Variants in SKAP2 observed in about 807,000 individuals in gnomAD.
The protein encoded by SKAP2 is src kinase-associated phosphoprotein 2.
Under a neutral mutation model 54.9 loss-of-function variants are expected in SKAP2, and 28 were observed. The ratio of observed to expected loss-of-function variants is 0.51; its 90% CI spans 0.38 to 0.70. SKAP2 has a LOEUF of 0.70. Ranked by LOEUF, SKAP2 falls within the 30% of genes least tolerant of loss-of-function variation. The probability of loss-of-function intolerance (pLI) is 0.00; values close to 1 mark genes in which losing one functional copy is unlikely to be tolerated. For synonymous variants in SKAP2, 137 were observed against 134.3 expected (o/e 1.02, Z -0.14); for missense variants, 356 against 424.1 (o/e 0.84, Z 1.41).
At chr7:26,850,448 T>C (rs1324935183) in intron 3 of SKAP2, among the ~76,000 whole-genome samples, 1 of 151,766 alleles carries the variant, frequency 6.6e-6, no homozygotes, top group African/African-American at 2.4e-5. Flanking sequence ...AGCGTACCTA[T>C]AGTCCCAGCT....
chr7:26,837,278 T>C (rs1350154763), intron 4 of SKAP2, among the ~76,000 whole-genome samples: 1 of 152,132 alleles, frequency 6.6e-6, no homozygotes, highest in African/African-American at 2.4e-5. Flanking sequence ...GGCACATGTA[T>C]ACCTATGTAA....
chr7:26,718,171 T>A (rs145668312), intron 9 of SKAP2, among the ~76,000 whole-genome samples: 6 of 151,838 alleles, frequency 4.0e-5, no homozygotes, highest in African/African-American at 1.4e-4. Context: ...GCCTGGCACA[T>A]AACAGGTACT....
intron 1 of SKAP2, among the ~76,000 whole-genome samples, chr7:26,856,281 G>C (rs965894630): frequency 3.9e-5 from 6 of 151,960 alleles, no homozygotes; most frequent in African/African-American, 1.5e-4. Flanking sequence ...AAATGTCACA[G>C]CTTCTCTTTC....
At chr7:26,787,087 T>C (rs141657226) in intron 4 of SKAP2, among the ~76,000 whole-genome samples, 1 of 152,324 alleles carries the variant, frequency 6.6e-6, no homozygotes, top group African/African-American at 2.4e-5. Flanking sequence ...AGCTATCTCA[T>C]ATTAGAATGT....
chr7:26,817,804 G>A (rs993904539), intron 4 of SKAP2, among the ~76,000 whole-genome samples: 4 of 152,018 alleles, frequency 2.6e-5, no homozygotes, highest in Admixed American at 2.6e-4. Flanking sequence ...TAGACAAACA[G>A]AGAGCCAAAT....
chr7:26,836,716 G>C (rs977438579), intron 4 of SKAP2, among the ~76,000 whole-genome samples: 39 of 152,282 alleles, frequency 2.6e-4, no homozygotes, highest in African/African-American at 9.4e-4. Context: ...TGGAGAAATA[G>C]GAATGCTTTT....
intron 6 of SKAP2, among the ~76,000 whole-genome samples, chr7:26,727,680 ATC>A (rs1171921557): frequency 6.6e-6 from 1 of 152,128 alleles, no homozygotes; most frequent in African/African-American, 2.4e-5. Flanking sequence ...GCACATTTGA[ATC>A]TCACATGATA....
intron 1 of SKAP2, among the ~76,000 whole-genome samples, chr7:26,855,671 T>C (rs1785147292): frequency 1.3e-5 from 2 of 152,122 alleles, no homozygotes; most frequent in Admixed American, 6.5e-5. Context: ...TTAATTTTAG[T>C]AAACTTCTAA....
intron 4 of SKAP2, among the ~76,000 whole-genome samples, chr7:26,830,423 G>C (rs929905964): frequency 2.0e-5 from 3 of 151,940 alleles, no homozygotes; most frequent in Non-Finnish European, 2.9e-5. Flanking sequence ...TCTCAATAAA[G>C]TGAGTAAAAA....
intron 1 of SKAP2, chr7:26,858,286 A>T (rs779499794): frequency 6.6e-6 from 1 of 152,306 alleles, no homozygotes; most frequent in Non-Finnish European, 1.5e-5. Context: ...CCTCCACCCC[A>T]GCCCAAGTCA....
intron 4 of SKAP2, among the ~76,000 whole-genome samples, chr7:26,807,570 CT>C (rs1784056342): frequency 6.6e-6 from 1 of 152,160 alleles, no homozygotes; most frequent in African/African-American, 2.4e-5. Flanking sequence ...ATAAATTACC[CT>C]GTCTCAGGTA....
intron 9 of SKAP2, among the ~76,000 whole-genome samples, chr7:26,720,572 C>T (rs1787557213): frequency 6.6e-6 from 1 of 152,052 alleles, no homozygotes; most frequent in Non-Finnish European, 1.5e-5. Flanking sequence ...TCTGACTCTG[C>T]TAATAAAGAC....
intron 4 of SKAP2, among the ~76,000 whole-genome samples, chr7:26,808,728 T>C (rs1045612051): frequency 6.6e-6 from 1 of 152,246 alleles, no homozygotes; most frequent in African/African-American, 2.4e-5. Context: ...GCATGTAACC[T>C]AGTCTCTCTA....
intron 3 of SKAP2, among the ~76,000 whole-genome samples, chr7:26,848,594 G>C (rs1159015257): frequency 6.6e-6 from 1 of 152,064 alleles, no homozygotes; most frequent in Non-Finnish European, 1.5e-5. Context: ...CTTTGGATAA[G>C]GGATACTACT....
chr7:26,661,533 A>G, the SKAP2 span, among the ~76,000 whole-genome samples: 1 of 152,202 alleles, frequency 6.6e-6, no homozygotes, highest in South Asian at 2.1e-4. Flanking sequence ...TATCATGAGA[A>G]AAGTTTATTT....
At chr7:26,733,245 A>C (rs1196802691) in intron 6 of SKAP2, among the ~76,000 whole-genome samples, 1 of 152,142 alleles carries the variant, frequency 6.6e-6, no homozygotes, top group Non-Finnish European at 1.5e-5. Context: ...AATGGTTCCT[A>C]TTTCTTAAGG....
chr7:26,725,565 T>C lies in SKAP2; in HGVS notation c.659A>G (p.Asp220Gly). Residue 220 changes from aspartate to glycine, a missense_variant and splice_region_variant, in exon 9 of 13, where the codon GAT (aspartate) becomes GGT (glycine). Coordinates refer to ENST00000345317, the MANE Select transcript of SKAP2 (RefSeq NM_003930.5). Reference sequence around the variant, plus strand: ...CTCAGGAATAATATCAGATTCCATATCTATAAAACACATTTCATGAAGTAA... The same window carrying C: ...CTCAGGAATAATATCAGATTCCATACCTATAAAACACATTTCATGAAGTAA... ...WVQQLKFVLQDMESDIIPEDY... is the reference protein window; with the variant it reads ...WVQQLKFVLQGMESDIIPEDY... 12 of 1,581,340 alleles carry C rather than the reference T, an allele frequency of 7.6e-6. No individual in the cohort carries two copies. Among genetic ancestry groups the C allele is most frequent in the Non-Finnish European group, 1.0e-5 (12 of 1,164,642 alleles).
rs1562593901 is a variant in SKAP2, at chr7:26,741,559, TAAA to T, written c.308-1598_308-1596del. 4.1e-3 allele frequency among the ~76,000 whole-genome samples: 361 copies of T among 88,636 alleles called. 1 individual carries two copies. Among genetic ancestry groups the T allele is most frequent in the African/African-American group, 0.013 (339 of 26,610 alleles). 58.1% of individuals were successfully genotyped at this position (88,636 alleles called of 152,430 possible). A position where few individuals can be genotyped will look rare whatever the true frequency, so the allele number is the denominator to read the frequency against. On this transcript the variant is annotated intron_variant, in intron 4 of 12. Transcript: ENST00000345317. ...GTCTCTAAATAAATAAATAAATAAA[TAAA>T]TAAATAAATAAATAAATTAATAAAA...
chr7:26,687,593 T>C (rs1313353721), intron 10 of SKAP2, among the ~76,000 whole-genome samples: 1 of 152,128 alleles, frequency 6.6e-6, no homozygotes, highest in Non-Finnish European at 1.5e-5. Flanking sequence ...GAAGTAATGT[T>C]TGAATTCTTG....
Sources: allele counts gnomAD v4.1 joint callset (sites outside exome capture counted in the v4.1 genomes callset), GRCh38; gene constraint gnomAD v4.1.1; transcripts MANE v1.5; gene names NCBI Gene and HGNC (gene_info 2026-07-23, HGNC 2026-07-21).